COL15A1: variants seen among roughly 807,000 people sequenced by gnomAD.
COL15A1 encodes the protein collagen alpha-1(XV) chain.
In COL15A1, 111 loss-of-function variants were observed where a neutral mutation model predicts 165.9. That is an observed-to-expected ratio of 0.67 (90% confidence interval 0.57 to 0.78). The LOEUF (loss-of-function observed/expected upper bound fraction) is 0.78, where lower values mean the gene tolerates loss of function less well. COL15A1 is among the 30% of genes least tolerant of loss of function. The pLI, the probability that COL15A1 is intolerant of heterozygous loss-of-function variation, is 0.00. For synonymous variants in COL15A1, 659 were observed against 674.8 expected (o/e 0.98, Z 0.36); for missense variants, 1,745 against 1,789.7 (o/e 0.98, Z 0.45).
chr9:98,985,777 G>A lies in COL15A1; in HGVS notation c.313G>A (p.Gly105Ser). 1 of 1,614,062 alleles carries A rather than the reference G, an allele frequency of 6.2e-7. No homozygotes were observed. Among genetic ancestry groups the A allele is most frequent in the East Asian group, 2.2e-5 (1 of 44,888 alleles). Residue 105 changes from glycine to serine, a missense_variant, in exon 3 of 42, where the codon GGC (glycine) becomes AGC (serine). Transcript: ENST00000375001. ...GGTGAAGCCCAGCAGCACCCGTGGT[G>A]GCGTGCTCTTCGCCATCACTGACGC... The part of the protein sequence containing the change: ...VVVKPSSTRG[G>S]VLFAITDAFQ...
intron 2 of COL15A1, among the ~76,000 whole-genome samples, chr9:98,983,995 G>A (rs1019725518): frequency 2.6e-5 from 4 of 152,164 alleles, no homozygotes; most frequent in East Asian, 3.9e-4. Flanking sequence ...AGACAAACCC[G>A]CCAAGTCCTC....
At chr9:99,006,684 C>T (rs1457024470) in intron 9 of COL15A1, among the ~76,000 whole-genome samples, 3 of 152,204 alleles carry the variant, frequency 2.0e-5, no homozygotes, top group African/African-American at 7.2e-5. Flanking sequence ...CACCTCCCCT[C>T]CCTTTCCCTG....
At chr9:98,976,120 T>G (rs1838138836) in intron 2 of COL15A1, among the ~76,000 whole-genome samples, 1 of 152,198 alleles carries the variant, frequency 6.6e-6, no homozygotes, top group Non-Finnish European at 1.5e-5. Flanking sequence ...AGCACACATG[T>G]TCCAGGCTTA....
chr9:99,054,543 A>G (rs766610577), intron 31 of COL15A1, 33 bp from the exon 32 acceptor site: 2 of 1,538,166 alleles, frequency 1.3e-6, no homozygotes, highest in African/African-American at 1.4e-5. Context: ...GTGATTTTCC[A>G]TTTTTTTTTA....
In COL15A1 at chr9:98,987,327, C is replaced by A. The variant is rs939095588; in HGVS notation, c.682C>A (p.Pro228Thr). The A allele has an allele frequency of 1.2e-6, 2 of 1,613,450 alleles. No individual in the cohort carries two copies. The highest frequency in any genetic ancestry group is 2.7e-5 in the African/African-American group (2 of 74,892). ...CCAGCAGCTCACCGTGCACCCCGAC[C>A]CCAGGACTCCCGAGGAGCTGTGTGA... is the stretch of plus-strand genomic sequence containing the variant. ...SLQQLTVHPD[P>T]RTPEELCDPE... The change falls in exon 4 of 42, where the codon CCC (proline) becomes ACC (threonine). Residue 228 changes from proline (P) to threonine (T), a missense_variant. Coordinates refer to ENST00000375001, the MANE Select transcript of COL15A1 (RefSeq NM_001855.5).
rs781731038 is a variant in COL15A1, at chr9:99,016,137, G to A, written c.1647+18G>A. The A allele has an allele frequency of 5.7e-6, 9 of 1,587,224 alleles. No homozygotes were observed. The highest frequency in any genetic ancestry group is 1.8e-5 in the Admixed American group (1 of 55,954). On this transcript the variant is annotated intron_variant, in intron 11 of 41. Coordinates refer to ENST00000375001, the MANE Select transcript of COL15A1 (RefSeq NM_001855.5). Reference sequence around the variant, plus strand: ...TCACTCCAGTAAGTGGCATAGAGCTGTAAGATTTGACTTGGCAGACCTTAC... The same window carrying A: ...TCACTCCAGTAAGTGGCATAGAGCTATAAGATTTGACTTGGCAGACCTTAC...
chr9:99,066,861 C>A lies in COL15A1; in HGVS notation c.3652-21C>A, dbSNP rs143784477. The A allele has an allele frequency of 4.7e-5, 76 of 1,604,542 alleles. No individual in the cohort carries two copies. The African/African-American group carries it at 8.0e-4, about 17-fold the overall frequency. ...GTTTGCCTTTGATTCTGACTGCTCTCTTTTGTCTCACATTTTTCAGCTGCA... is the reference window on the plus strand; with the variant it reads ...GTTTGCCTTTGATTCTGACTGCTCTATTTTGTCTCACATTTTTCAGCTGCA... On this transcript the variant is annotated intron_variant, in intron 39 of 41. Coordinates refer to ENST00000375001, the MANE Select transcript of COL15A1 (RefSeq NM_001855.5).
chr9:98,990,876 T>C (rs542814941), intron 5 of COL15A1, among the ~76,000 whole-genome samples: 7 of 152,356 alleles, frequency 4.6e-5, no homozygotes, highest in African/African-American at 1.4e-4. Context: ...GCGGTGAGTG[T>C]TACAGTTCTT....
chr9:99,004,483 G>A (rs1401748555), intron 8 of COL15A1, among the ~76,000 whole-genome samples: 1 of 152,214 alleles, frequency 6.6e-6, no homozygotes, highest in Admixed American at 6.5e-5. Flanking sequence ...GCTAGGAAGA[G>A]AGTGGGACAG....
chr9:99,013,025 T>C (rs576934435), intron 9 of COL15A1, among the ~76,000 whole-genome samples: 1 of 152,204 alleles, frequency 6.6e-6, no homozygotes, highest in African/African-American at 2.4e-5. Context: ...TTTTTTATTT[T>C]AAGGGACGAA....
intron 30 of COL15A1, among the ~76,000 whole-genome samples, chr9:99,050,157 G>A (rs866196228): frequency 6.6e-6 from 1 of 152,116 alleles, no homozygotes; most frequent in Admixed American, 6.5e-5. Context: ...TTGTTATTGC[G>A]ACCACATTAG....
At chr9:98,967,586 G>T (rs1178555986) in intron 2 of COL15A1, among the ~76,000 whole-genome samples, 1 of 152,256 alleles carries the variant, frequency 6.6e-6, no homozygotes. Context: ...CATCCCAACA[G>T]CCTGGCTGGG....
At chr9:98,961,868 G>A (rs1471534756) in intron 2 of COL15A1, among the ~76,000 whole-genome samples, 1 of 152,240 alleles carries the variant, frequency 6.6e-6, no homozygotes, top group African/African-American at 2.4e-5. Context: ...GAATTTAAGA[G>A]ACTTGCAGTA....
chr9:98,961,180 T>C (rs1166588657), intron 2 of COL15A1, among the ~76,000 whole-genome samples: 2 of 152,194 alleles, frequency 1.3e-5, no homozygotes, highest in Non-Finnish European at 2.9e-5. Flanking sequence ...TATTGACTGT[T>C]CTCTGAATAC....
chr9:98,972,581 G>C (rs1156349462), intron 2 of COL15A1, among the ~76,000 whole-genome samples: 1 of 152,222 alleles, frequency 6.6e-6, no homozygotes, highest in Non-Finnish European at 1.5e-5. Flanking sequence ...TTTGTGGAAA[G>C]CCCTTTGAAC....
At chr9:98,986,230 G>A (rs556457015) in intron 3 of COL15A1, 118 bp downstream of exon 3, 28 of 828,926 alleles carry the variant, frequency 3.4e-5, no homozygotes, top group African/African-American at 1.2e-4. Context: ...AGAAGCATGC[G>A]TGTTATGATG....
At chr9:99,006,351 T>C (rs937110959) in intron 9 of COL15A1, among the ~76,000 whole-genome samples, 7 of 152,234 alleles carry the variant, frequency 4.6e-5, no homozygotes, top group Non-Finnish European at 8.8e-5. Flanking sequence ...TCCTGACCAA[T>C]GATAGGCACT....
At chr9:99,044,677 A>T in intron 25 of COL15A1, 41 bp downstream of exon 25, 1 of 1,612,494 alleles carries the variant, frequency 6.2e-7, no homozygotes, top group Non-Finnish European at 8.5e-7. Flanking sequence ...TATCTGCCCC[A>T]GCTTTGCATC....
At position 99,060,256 on chromosome 9, in the gene COL15A1, A is replaced by ATAT. The variant is rs1554691785; in HGVS notation, c.3402+304_3402+305insATT. On this transcript the variant is annotated intron_variant, in intron 36 of 41. Coordinates refer to ENST00000375001, the MANE Select transcript of COL15A1 (RefSeq NM_001855.5). ...TTTTTATATATATATATATATATATATTTTTTTTTTGCTGGATGAGGGGTG... is the reference window on the plus strand; with the variant it reads ...TTTTTATATATATATATATATATATATATTTTTTTTTTTGCTGGATGAGGGGTG... 2.1e-3 allele frequency among the ~76,000 whole-genome samples: 287 copies of ATAT among 137,150 alleles called. 2 individuals carry two copies. The highest frequency in any genetic ancestry group is 7.2e-3 in the African/African-American group (255 of 35,184). 90.0% of individuals were successfully genotyped at this position (137,150 alleles called of 152,430 possible).
Sources: gnomAD v4.1 joint callset for allele counts (sites outside exome capture counted in the v4.1 genomes callset) on GRCh38, gnomAD v4.1.1 for gene constraint, MANE v1.5 for transcripts, NCBI Gene and HGNC (gene_info 2026-07-23, HGNC 2026-07-21) for gene names.